FHOD3: variants seen among roughly 807,000 people sequenced by gnomAD.
FHOD3 encodes formin homology 2 domain containing 3, also known as FH1/FH2 domain-containing protein 3.
A neutral mutation model predicts 173.0 loss-of-function variants in FHOD3; 90 were observed. That is an observed-to-expected ratio of 0.52 (90% CI 0.44 to 0.62). FHOD3 has a LOEUF of 0.62. Among genes scored for constraint, FHOD3 ranks in the 20% least tolerant of loss-of-function variants. The pLI is 0.00. For synonymous variants in FHOD3, 828 were observed against 823.0 expected (o/e 1.01, Z -0.10); for missense variants, 1,945 against 2,034.7 (o/e 0.96, Z 0.85).
intron 8 of FHOD3, among the ~76,000 whole-genome samples, chr18:36,608,370 A>G (rs970335736): frequency 8.5e-5 from 13 of 152,232 alleles, no homozygotes; most frequent in Admixed American, 3.9e-4. Context: ...TCCATTTACC[A>G]GGAAACTACT....
At chr18:36,733,184 G>A (rs192803131) in intron 20 of FHOD3, among the ~76,000 whole-genome samples, 1 of 152,340 alleles carries the variant, frequency 6.6e-6, no homozygotes, top group East Asian at 1.9e-4. Context: ...TCAAGGTAGA[G>A]AGGATTAAGC....
At chr18:36,309,447 C>T (rs1258395040) in intron 1 of FHOD3, among the ~76,000 whole-genome samples, 2 of 152,206 alleles carry the variant, frequency 1.3e-5, no homozygotes, top group Non-Finnish European at 2.9e-5. Flanking sequence ...CTTTTGCCAA[C>T]CGTGGAGGCT....
At chr18:36,541,839 C>T (rs1187746166) in intron 5 of FHOD3, among the ~76,000 whole-genome samples, 2 of 152,166 alleles carry the variant, frequency 1.3e-5, no homozygotes, top group Non-Finnish European at 2.9e-5. Context: ...AACTAAATCT[C>T]CAGCTTATCC....
intron 3 of FHOD3, among the ~76,000 whole-genome samples, chr18:36,489,453 A>G (rs1417626367): frequency 1.3e-5 from 2 of 152,128 alleles, no homozygotes; most frequent in East Asian, 3.9e-4. Context: ...TGTAATCACA[A>G]CACAAGCCAA....
intron 20 of FHOD3, among the ~76,000 whole-genome samples, chr18:36,734,434 A>C (rs1373132801): frequency 6.6e-6 from 1 of 152,126 alleles, no homozygotes; most frequent in East Asian, 1.9e-4. Flanking sequence ...CCCTAGGAGC[A>C]AAATCACCCT....
At chr18:36,526,512 G>A (rs1323973365) in intron 5 of FHOD3, among the ~76,000 whole-genome samples, 6 of 151,760 alleles carry the variant, frequency 4.0e-5, no homozygotes, top group Admixed American at 2.6e-4. Flanking sequence ...TGCAACCTCC[G>A]CCTCCTGCGT....
chr18:36,436,162 G>A (rs1184472387), intron 3 of FHOD3, among the ~76,000 whole-genome samples: 2 of 152,048 alleles, frequency 1.3e-5, no homozygotes, highest in Non-Finnish European at 2.9e-5. Flanking sequence ...TGCATGCTGA[G>A]GTATGACAGT....
Position 36,515,004 on chromosome 18 carries a change from A to C in FHOD3, c.511+2461A>C, listed in dbSNP as rs1050450501. On this transcript the variant is annotated intron_variant, in intron 5 of 28. Coordinates refer to ENST00000590592, the MANE Select transcript of FHOD3 (RefSeq NM_001281740.3). Reference sequence around the variant, plus strand: ...AAAGAAAACTCAGCACAGCTGAGAAAGCCTTTTCTGGTGAGCCACAGTGAG... The same window carrying C: ...AAAGAAAACTCAGCACAGCTGAGAACGCCTTTTCTGGTGAGCCACAGTGAG... 8.4e-4 allele frequency among the ~76,000 whole-genome samples: 128 copies of C among 152,224 alleles called. 1 individual carries two copies. The highest frequency in any genetic ancestry group is 2.8e-3 in the African/African-American group (115 of 41,466).
chr18:36,462,374 C>G (rs1465807154), intron 3 of FHOD3, among the ~76,000 whole-genome samples: 1 of 152,112 alleles, frequency 6.6e-6, no homozygotes, highest in Non-Finnish European at 1.5e-5. Flanking sequence ...CTCTGTTGCC[C>G]AGGCTGGAGT....
At position 36,450,468 on chromosome 18, in the gene FHOD3, TTTATTTATTTATTTA is replaced by T. The variant is rs1344660113; in HGVS notation, c.338-51461_338-51447del. Reference sequence around the variant, plus strand: ...GTTTATTTATTTATTTATTTATTTATTTATTTATTTATTTATTTAATTTTTAAAGAAAACTCCCTG... The same window carrying T: ...GTTTATTTATTTATTTATTTATTTATTTTAATTTTTAAAGAAAACTCCCTG... On this transcript the variant is annotated intron_variant, in intron 3 of 28. Coordinates refer to ENST00000590592, the MANE Select transcript of FHOD3 (RefSeq NM_001281740.3). Among the ~76,000 whole-genome samples the T allele has an allele frequency of 3.8e-3, 487 of 126,584 alleles. 5 individuals are homozygous for T. The highest frequency in any genetic ancestry group is 0.02 in the African/African-American group (454 of 22,726). The allele number at this position is 126,584 out of a possible 152,430, so 83.0% of individuals were successfully genotyped here. A position where few individuals can be genotyped will look rare whatever the true frequency, so the allele number is the denominator to read the frequency against.
At chr18:36,494,390 G>A (rs2054626772) in intron 3 of FHOD3, among the ~76,000 whole-genome samples, 1 of 152,156 alleles carries the variant, frequency 6.6e-6, no homozygotes, top group Non-Finnish European at 1.5e-5. Context: ...GGATGGAGGG[G>A]CAGTTCTAAA....
Position 36,329,916 on chromosome 18 carries a change from A to G in FHOD3, c.166-25623A>G, listed in dbSNP as rs373576205. Reference sequence around the variant, plus strand: ...CACTTGCATATGCTAAATCAAATCAATTGATAATGCCTGCCTGGGGTGCCA... The same window carrying G: ...CACTTGCATATGCTAAATCAAATCAGTTGATAATGCCTGCCTGGGGTGCCA... On this transcript the variant is annotated intron_variant, in intron 1 of 28. Coordinates refer to ENST00000590592, the MANE Select transcript of FHOD3 (RefSeq NM_001281740.3). Among the ~76,000 whole-genome samples the G allele has an allele frequency of 2.0e-5, 3 of 152,320 alleles. No individual in the cohort carries two copies. The East Asian group carries it at 5.8e-4, about 29-fold the overall frequency.
intron 14 of FHOD3, among the ~76,000 whole-genome samples, chr18:36,669,243 C>A (rs2037379314): frequency 6.6e-6 from 1 of 151,530 alleles, no homozygotes; most frequent in Admixed American, 6.6e-5. Context: ...ATTCTTAGGT[C>A]TACTTTATCT....
At chr18:36,768,237 A>G (rs2043225842) in intron 27 of FHOD3, among the ~76,000 whole-genome samples, 2 of 152,234 alleles carry the variant, frequency 1.3e-5, no homozygotes, top group African/African-American at 4.8e-5. Context: ...TATAGAAGAG[A>G]TTTCACAAGA....
intron 10 of FHOD3, among the ~76,000 whole-genome samples, chr18:36,646,955 G>A (rs539826528): frequency 2.0e-4 from 30 of 152,158 alleles, no homozygotes; most frequent in Non-Finnish European, 4.0e-4. Flanking sequence ...ACACTTCTTC[G>A]GCCGGGTGCG....
chr18:36,557,682 T>C (rs147335029), intron 5 of FHOD3, among the ~76,000 whole-genome samples: 1 of 152,224 alleles, frequency 6.6e-6, no homozygotes, highest in Non-Finnish European at 1.5e-5. Context: ...CTGTGACTTG[T>C]ACTTATTGCA....
chr18:36,323,793 G>A (rs780276225), intron 1 of FHOD3, among the ~76,000 whole-genome samples: 72 of 152,224 alleles, frequency 4.7e-4, no homozygotes, highest in South Asian at 2.3e-3. Flanking sequence ...GATGCCCATA[G>A]GGGCACAGAG....
intron 3 of FHOD3, among the ~76,000 whole-genome samples, chr18:36,494,375 A>C (rs2054626452): frequency 6.6e-6 from 1 of 152,210 alleles, no homozygotes; most frequent in Non-Finnish European, 1.5e-5. Flanking sequence ...AAACATGGCA[A>C]GAAAGGATGG....
chr18:36,655,221 T>C (rs1360697728), intron 13 of FHOD3, among the ~76,000 whole-genome samples: 2 of 152,172 alleles, frequency 1.3e-5, no homozygotes, highest in Non-Finnish European at 2.9e-5. Flanking sequence ...TCTTACACCT[T>C]CCAAGAACAA....
Sources: gnomAD v4.1 joint callset for allele counts (sites outside exome capture counted in the v4.1 genomes callset) on GRCh38, gnomAD v4.1.1 for gene constraint, MANE v1.5 for transcripts, NCBI Gene and HGNC (gene_info 2026-07-23, HGNC 2026-07-21) for gene names.